The following PMEPA1 variants were observed in gnomAD, a reference collection of about 807,000 sequenced individuals.
PMEPA1 encodes the protein protein TMEPAI.
In PMEPA1, 11 loss-of-function variants were observed where a neutral mutation model predicts 23.0. The ratio of observed to expected loss-of-function variants is 0.48; its 90% CI spans 0.30 to 0.79. The LOEUF (loss-of-function observed/expected upper bound fraction) is 0.79. Among genes scored for constraint, PMEPA1 ranks in the 30% least tolerant of loss-of-function variants. The pLI, the probability that PMEPA1 is intolerant of heterozygous loss-of-function variation, is 0.06. For synonymous variants in PMEPA1, 204 were observed against 166.4 expected (o/e 1.23, Z -1.74); for missense variants, 377 against 390.9 (o/e 0.96, Z 0.30).
rs1236005032 is a variant in PMEPA1 at position 57,709,390 on chromosome 20, C to A, written c.109+84G>T. 5.2e-6 allele frequency: 5 copies of A among 962,244 alleles called. No individual in the cohort carries two copies. The Admixed American group carries it at 2.5e-4, about 47-fold the overall frequency. 59.6% of individuals were successfully genotyped at this position (962,244 alleles called of 1,614,324 possible). ...GTTCGGTCCGAGGGGGCGCGCAGGG[C>A]CCGGACCCCCGCTCGCAGCTGTGCC... On this transcript the variant is annotated intron_variant, in intron 1 of 3. Coordinates refer to ENST00000341744, the MANE Select transcript of PMEPA1 (RefSeq NM_020182.5).
chr20:57,680,985 C>T (rs2071704900), intron 1 of PMEPA1, among the ~76,000 whole-genome samples: 1 of 152,116 alleles, frequency 6.6e-6, no homozygotes, highest in South Asian at 2.1e-4. Context: ...GGGTCGGGGC[C>T]GGGTCAGTGA....
intron 1 of PMEPA1, among the ~76,000 whole-genome samples, chr20:57,703,270 G>C (rs2146713723): frequency 6.6e-6 from 1 of 152,328 alleles, no homozygotes; most frequent in South Asian, 2.1e-4. Flanking sequence ...GGGGACATCA[G>C]GGCCTTTCTT....
intron 1 of PMEPA1, among the ~76,000 whole-genome samples, chr20:57,695,423 G>A (rs978440082): frequency 3.9e-5 from 6 of 152,226 alleles, no homozygotes; most frequent in Admixed American, 6.5e-5. Context: ...TGTTTTCCCC[G>A]CTGAAGCACC....
At chr20:57,661,608 G>A (rs893695784) in intron 1 of PMEPA1, among the ~76,000 whole-genome samples, 2 of 152,198 alleles carry the variant, frequency 1.3e-5, no homozygotes, top group African/African-American at 4.8e-5. Context: ...GCCGGGGGAG[G>A]GGGATCGGGG....
At chr20:57,698,151 C>T (rs6092522) in intron 1 of PMEPA1, among the ~76,000 whole-genome samples, 35,698 of 152,078 alleles carry the variant, frequency 0.23, 5,236 homozygotes, top group East Asian at 0.52. Context: ...TCCATAAACA[C>T]AGGGAGAGAT....
rs1281679279 is a variant in PMEPA1 at position 57,705,125 on chromosome 20, CTG to C, written c.109+4347_109+4348del. On this transcript the variant is annotated intron_variant, in intron 1 of 3. Coordinates refer to ENST00000341744, the MANE Select transcript of PMEPA1 (RefSeq NM_020182.5). ...AGAAGCTGTGTGTGCCTGTGTATGACTGTGTGTGCGCGTGTGTGTGTCTGCAC... is the reference window on the plus strand; with the variant it reads ...AGAAGCTGTGTGTGCCTGTGTATGACTGTGTGCGCGTGTGTGTGTCTGCAC... Among the ~76,000 whole-genome samples, 3 of 152,190 alleles carry C rather than the reference CTG, an allele frequency of 2.0e-5. No individual in the cohort carries two copies. In the South Asian group the frequency reaches 6.2e-4, roughly 31 times the overall value.
At chr20:57,672,235 T>A (rs1420510477) in intron 1 of PMEPA1, among the ~76,000 whole-genome samples, 1 of 152,266 alleles carries the variant, frequency 6.6e-6, no homozygotes, top group Non-Finnish European at 1.5e-5. Flanking sequence ...ACATGTGTGT[T>A]TCCAACCGGC....
chr20:57,695,083 T>C (rs1407027550), intron 1 of PMEPA1, among the ~76,000 whole-genome samples: 1 of 152,234 alleles, frequency 6.6e-6, no homozygotes, highest in Non-Finnish European at 1.5e-5. Flanking sequence ...AGCTCCACAC[T>C]GAGGTCCACG....
intron 1 of PMEPA1, among the ~76,000 whole-genome samples, chr20:57,692,903 C>G (rs1023927494): frequency 9.2e-5 from 14 of 152,350 alleles, no homozygotes; most frequent in African/African-American, 3.1e-4. Context: ...TTTCACAACT[C>G]ATGATAATCA....
At chr20:57,667,872 G>A (rs567027517) in intron 1 of PMEPA1, among the ~76,000 whole-genome samples, 4 of 151,320 alleles carry the variant, frequency 2.6e-5, no homozygotes, top group East Asian at 3.9e-4. Flanking sequence ...CCAGCCCCCC[G>A]AATTTTAAGT....
rs537204921 is a variant in PMEPA1 at position 57,707,430 on chromosome 20, A to C, written c.109+2044T>G. Among the ~76,000 whole-genome samples, 5 of 152,314 alleles carry C rather than the reference A, an allele frequency of 3.3e-5. No homozygotes were observed. In the South Asian group the frequency reaches 1.0e-3, roughly 32 times the overall value. ...CCAATAAGTAGGGGGCTGTGTATAC[A>C]CAGAACACAGGACTAACTGGGGCAC... On this transcript the variant is annotated intron_variant, in intron 1 of 3. Coordinates refer to ENST00000341744, the MANE Select transcript of PMEPA1 (RefSeq NM_020182.5).
intron 1 of PMEPA1, among the ~76,000 whole-genome samples, chr20:57,707,289 C>T (rs1159468967): frequency 6.6e-6 from 1 of 152,164 alleles, no homozygotes; most frequent in African/African-American, 2.4e-5. Context: ...CAGGAGACAC[C>T]AGGCCTTACC....
At chr20:57,679,670 G>A (rs1183250796) in intron 1 of PMEPA1, among the ~76,000 whole-genome samples, 1 of 152,244 alleles carries the variant, frequency 6.6e-6, no homozygotes, top group African/African-American at 2.4e-5. Flanking sequence ...AGCCCAGGAT[G>A]TGAAAGCAAC....
intron 1 of PMEPA1, among the ~76,000 whole-genome samples, chr20:57,699,720 C>G (rs1245809633): frequency 6.6e-6 from 1 of 152,216 alleles, no homozygotes; most frequent in African/African-American, 2.4e-5. Flanking sequence ...ACCGATTCAG[C>G]TTCCTACTTC....
Position 57,652,176 on chromosome 20 carries a change from C to A in PMEPA1, c.741G>T (p.Gln247His), listed in dbSNP as rs371396831. 23 of 1,608,800 alleles carry A rather than the reference C, an allele frequency of 1.4e-5. No homozygotes were observed. The highest frequency in any genetic ancestry group is 2.7e-5 in the African/African-American group (2 of 74,850). ...GHYPGSSFQHQQSSGPPSLLE... is the reference protein window; with the variant it reads ...GHYPGSSFQHHQSSGPPSLLE... ...GCAAGGAGGGCGGCCCACTGCTCTG[C>A]TGGTGCTGGAAGGAGGACCCCGGGT... Residue 247 changes from glutamine (Q) to histidine (H), a missense_variant, in exon 4 of 4, where the codon CAG becomes CAT. By Grantham distance (24) the Gln-to-His change is conservative. Around this residue, in one of 3 missense-constraint regions of PMEPA1, gnomAD observed 176 missense variants for 173.0 expected, o/e 1.02. Coordinates refer to ENST00000341744, the MANE Select transcript of PMEPA1 (RefSeq NM_020182.5). The surrounding 1 kb of genome is among the most constrained non-coding windows in gnomAD (Gnocchi z 6.1).
chr20:57,694,939 C>T (rs1366266267), intron 1 of PMEPA1, among the ~76,000 whole-genome samples: 3 of 152,226 alleles, frequency 2.0e-5, no homozygotes, highest in Non-Finnish European at 2.9e-5. Flanking sequence ...CACAGCCACA[C>T]TGCTCTTTTC....
chr20:57,653,684 C>A (rs189160351), intron 2 of PMEPA1, among the ~76,000 whole-genome samples: 133 of 152,340 alleles, frequency 8.7e-4, no homozygotes, highest in African/African-American at 2.6e-3. Flanking sequence ...TGCTGACCAG[C>A]CCCCTGGGGC....
At chr20:57,657,609 G>C (rs994349403) in intron 2 of PMEPA1, among the ~76,000 whole-genome samples, 1 of 152,064 alleles carries the variant, frequency 6.6e-6, no homozygotes, top group Non-Finnish European at 1.5e-5. Context: ...GTGGGCCCCG[G>C]GTCTGTGGGC....
intron 1 of PMEPA1, chr20:57,690,294 C>G: frequency 1.7e-6 from 1 of 591,110 alleles, no homozygotes; most frequent in Middle Eastern, 3.0e-4. Context: ...CCGGGGGGGC[C>G]GGGCCCAGTG....
Sources: allele counts gnomAD v4.1 joint callset (sites outside exome capture counted in the v4.1 genomes callset), GRCh38; gene constraint gnomAD v4.1.1; regional missense constraint gnomAD v4.1.1; non-coding constraint Gnocchi (gnomAD v3.1); transcripts MANE v1.5; gene names NCBI Gene and HGNC (gene_info 2026-07-23, HGNC 2026-07-21).